The following ATP11C variants were observed in gnomAD, a reference collection of about 807,000 sequenced individuals.
ATP11C encodes the protein ATPase phospholipid transporting 11C (ATP11C blood group).
Under a neutral mutation model 97.4 loss-of-function variants are expected in ATP11C, and 36 were observed. The ratio of observed to expected loss-of-function variants is 0.37; its 90% confidence interval spans 0.28 to 0.49. The LOEUF is 0.49. Ranked by LOEUF, ATP11C falls within the 20% of genes least tolerant of loss-of-function variation. The probability of loss-of-function intolerance (pLI) is 0.98; values close to 1 mark genes in which losing one functional copy is unlikely to be tolerated. For synonymous variants in ATP11C, 275 were observed against 290.9 expected (o/e 0.95, Z 0.56); for missense variants, 730 against 824.6 (o/e 0.89, Z 1.40).
intron 26 of ATP11C, among the ~76,000 whole-genome samples, chrX:139,741,668 A>G (rs62609089): frequency 4.5e-5 from 5 of 112,032 alleles, no homozygotes; most frequent in Non-Finnish European, 9.4e-5. Flanking sequence ...TATCTTTCCA[A>G]TTGCAAAACC....
At chrX:139,859,477 AG>A (rs2084145718) in intron 1 of ATP11C, among the ~76,000 whole-genome samples, 2 of 112,086 alleles carry the variant, frequency 1.8e-5, no homozygotes, top group Admixed American at 1.9e-4. Context: ...GTCAATTAAA[AG>A]TTGTTATAAA....
chrX:139,890,474 G>A (rs931949747), intron 1 of ATP11C, among the ~76,000 whole-genome samples: 4 of 111,520 alleles, frequency 3.6e-5, no homozygotes, highest in African/African-American at 1.3e-4. Flanking sequence ...CAAAGCTTCA[G>A]TGAGCTATGA....
chrX:139,931,926 G>T (rs1241308017), intron 1 of ATP11C, 90 bp downstream of exon 1: 4 of 1,011,810 alleles, frequency 4.0e-6, no homozygotes, highest in Non-Finnish European at 5.3e-6. Flanking sequence ...AGACGTAACT[G>T]CCCCCTCAGA....
At chrX:139,868,632 C>T (rs1603406482) in intron 1 of ATP11C, among the ~76,000 whole-genome samples, 1 of 107,069 alleles carries the variant, frequency 9.3e-6, no homozygotes, top group Non-Finnish European at 1.9e-5. Flanking sequence ...GAGGCTGAGA[C>T]AGGAGAATTG....
chrX:139,875,339 TA>T (rs1894573887), intron 1 of ATP11C, among the ~76,000 whole-genome samples: 1 of 103,087 alleles, frequency 9.7e-6, no homozygotes, highest in Non-Finnish European at 1.9e-5. Flanking sequence ...CTCACACCTG[TA>T]ATCCCAGCAG....
intron 9 of ATP11C, 34 bp downstream of exon 9, chrX:139,798,645 A>AT (rs1195778342): frequency 9.2e-7 from 1 of 1,082,280 alleles, no homozygotes; most frequent in Non-Finnish European, 1.3e-6. Context: ...TACAAAGCAT[A>AT]TTTTTTGATA....
intron 1 of ATP11C, among the ~76,000 whole-genome samples, chrX:139,880,812 T>G (rs1603410526): frequency 9.0e-6 from 1 of 111,727 alleles, no homozygotes; most frequent in South Asian, 3.8e-4. Context: ...AGATGGTAAA[T>G]AAGACAGACA....
At position 139,728,307 on chromosome X, in the gene ATP11C, A is replaced by G. The variant is rs2081282615; in HGVS notation, c.*659T>C. 1 of 111,879 alleles carries G rather than the reference A, an allele frequency of 8.9e-6. No homozygotes were observed. 9.2% of individuals were successfully genotyped at this position (111,879 alleles called of 1,213,427 possible). On this transcript the variant is annotated 3_prime_UTR_variant, in exon 30 of 30. Coordinates refer to ENST00000682941, the MANE Select transcript of ATP11C (RefSeq NM_001353812.2). ...AATTTTTTTCTATTCCCACAAAAAT[A>G]CCCGTAAGTTAACACTTTCCACATA...
At chrX:139,745,642 A>G (rs2081665535) in intron 25 of ATP11C, 80 bp downstream of exon 25, 1 of 1,056,378 alleles carries the variant, frequency 9.5e-7, no homozygotes, top group South Asian at 2.4e-5. Flanking sequence ...TAGAGTATGT[A>G]TATGACAAAT....
At chrX:139,762,160 G>T in intron 21 of ATP11C, 54 bp from the exon 22 acceptor site, 1 of 904,562 alleles carries the variant, frequency 1.1e-6, no homozygotes, top group Non-Finnish European at 1.5e-6. Context: ...ATGACTCCCT[G>T]ATTTATCTTC....
intron 1 of ATP11C, among the ~76,000 whole-genome samples, chrX:139,867,534 A>G (rs1603406076): frequency 8.9e-6 from 1 of 111,998 alleles, no homozygotes; most frequent in South Asian, 3.7e-4. Flanking sequence ...ACCCAAATAG[A>G]TCATTATAAC....
intron 1 of ATP11C, 71 bp downstream of exon 1, chrX:139,931,943 TTG>T (rs2085442649): frequency 6.4e-6 from 7 of 1,093,258 alleles, no homozygotes; most frequent in East Asian, 3.5e-5. Flanking sequence ...CAGAAAATTG[TTG>T]TGAGGGACCC....
At chrX:139,869,688 G>A (rs1261716493) in intron 1 of ATP11C, among the ~76,000 whole-genome samples, 1 of 106,311 alleles carries the variant, frequency 9.4e-6, no homozygotes, top group Non-Finnish European at 1.9e-5. Context: ...CAGCTACTGG[G>A]GAGGCTGAGG....
At position 139,798,516 on chromosome X, in the gene ATP11C, T is replaced by C. The variant is rs944858389; in HGVS notation, c.776-162A>G. Among the ~76,000 whole-genome samples the C allele has an allele frequency of 7.1e-5, 8 of 112,096 alleles. No individual in the cohort carries two copies. In the Admixed American group the frequency reaches 7.6e-4, roughly 11 times the overall value. ...GGATAATTTTAATTATATATAGTAT[T>C]TGTCATATTTCGTCTTAGTTTACCA... On this transcript the variant is annotated intron_variant, in intron 9 of 29. Transcript: ENST00000682941.
At chrX:139,933,895 T>C (rs2085491056), upstream of ATP11C, among the ~76,000 whole-genome samples, 1 of 112,371 alleles carries the variant, frequency 8.9e-6, no homozygotes, top group African/African-American at 3.2e-5. Context: ...CGCAATCTGG[T>C]TGGGGGATAC....
At chrX:139,783,749 T>C (rs775041486) in intron 16 of ATP11C, among the ~76,000 whole-genome samples, 14 of 110,797 alleles carry the variant, frequency 1.3e-4, no homozygotes, top group African/African-American at 4.6e-4. Flanking sequence ...GGTACACACC[T>C]ATAGACCCAA....
rs747391289 is a variant in ATP11C at position 139,842,690 on chromosome X, A to C, written c.28-15867T>G. On this transcript the variant is annotated intron_variant, in intron 1 of 29. Transcript: ENST00000682941. ...CTGGGGCTGCGTAGAGTTTGTCTTA[A>C]ATTTCCAAGAGATTAATGTGTCTGA... 3.6e-5 allele frequency among the ~76,000 whole-genome samples: 4 copies of C among 112,198 alleles called. No individual in the cohort carries two copies. The South Asian group carries it at 1.5e-3, about 42-fold the overall frequency.
chrX:139,852,690 T>C (rs1188191866), intron 1 of ATP11C, among the ~76,000 whole-genome samples: 1 of 108,753 alleles, frequency 9.2e-6, no homozygotes, highest in Non-Finnish European at 1.9e-5. Context: ...CAGGATGGAG[T>C]GAGTGGGTCC....
At chrX:139,736,686 T>C (rs907825546) in intron 28 of ATP11C, among the ~76,000 whole-genome samples, 5 of 111,509 alleles carry the variant, frequency 4.5e-5, no homozygotes, top group Non-Finnish European at 9.5e-5. Context: ...AGTAAAGCAG[T>C]TGTAACTAAG....
Sources: gnomAD v4.1 joint callset for allele counts (sites outside exome capture counted in the v4.1 genomes callset) on GRCh38, gnomAD v4.1.1 for gene constraint, MANE v1.5 for transcripts, NCBI Gene and HGNC (gene_info 2026-07-23, HGNC 2026-07-21) for gene names.